The following RPP30 variants were observed in gnomAD, a reference collection of about 807,000 sequenced individuals.
RPP30 encodes ribonuclease P/MRP subunit p30, also known as ribonuclease P protein subunit p30.
A neutral mutation model predicts 38.6 loss-of-function variants in RPP30; 36 were observed. The ratio of observed to expected loss-of-function variants is 0.93; its 90% CI spans 0.71 to 1.23. The LOEUF is 1.23. Ranked by LOEUF, RPP30 falls within the 50% of genes most tolerant of loss-of-function variation. The pLI is 0.00. For synonymous variants in RPP30, 126 were observed against 112.7 expected, an observed-to-expected ratio of 1.12 and a Z score of -0.75; for missense variants, 321 against 321.7, an observed-to-expected ratio of 1.00 and a Z score of 0.02.
chr10:90,876,253 A>G (rs969952907), intron 4 of RPP30, among the ~76,000 whole-genome samples, 155 bp downstream of exon 4: 1 of 152,168 alleles, frequency 6.6e-6, no homozygotes, highest in African/African-American at 2.4e-5. Context: ...GAATTCACAC[A>G]GTGTAATATG....
chr10:90,882,767 C>G (rs1846947986), intron 5 of RPP30, among the ~76,000 whole-genome samples: 1 of 152,148 alleles, frequency 6.6e-6, no homozygotes, highest in South Asian at 2.1e-4. Context: ...AGTTCAAGAC[C>G]AGCCTGGGCA....
chr10:90,906,930 CTA>C (rs553074396), downstream of RPP30, among the ~76,000 whole-genome samples: 57 of 152,234 alleles, frequency 3.7e-4, no homozygotes, highest in South Asian at 8.7e-3. Flanking sequence ...AAAAAATTGA[CTA>C]TGTGATTAAA....
chr10:90,872,216 G>C, intron 1 of RPP30, 148 bp downstream of exon 1: 2 of 683,136 alleles, frequency 2.9e-6, no homozygotes, highest in South Asian at 3.5e-5. Context: ...CCGAGGTGTT[G>C]GTCTGATTCC....
At position 90,874,914 on chromosome 10, in the gene RPP30, A is replaced by G. The variant is rs1483635391; in HGVS notation, c.128A>G (p.Glu43Gly). The G allele has an allele frequency of 6.3e-7, 1 of 1,577,966 alleles. No homozygotes were observed. Among genetic ancestry groups the G allele is most frequent in the East Asian group, 2.3e-5 (1 of 44,340 alleles). The change falls in exon 2 of 11, where the codon GAA (glutamate) becomes GGA (glycine). Residue 43 changes from glutamate (E) to glycine (G), a missense_variant. Physicochemically the swap from Glu to Gly is moderately conservative, Grantham distance 98 (BLOSUM62 -2). Coordinates refer to ENST00000371703, the MANE Select transcript of RPP30 (RefSeq NM_006413.5). ...VAINHIVDFKEKKQEIEKPVA... is the reference protein window; with the variant it reads ...VAINHIVDFKGKKQEIEKPVA... The stretch of plus-strand genomic sequence containing the variant: ...ATCAATCATATCGTTGACTTTAAGG[A>G]AAAGAAACAGGTAAAATAATATTTC...
At chr10:90,892,679 A>T (rs1237632472) in intron 6 of RPP30, among the ~76,000 whole-genome samples, 1 of 152,184 alleles carries the variant, frequency 6.6e-6, no homozygotes, top group East Asian at 1.9e-4. Context: ...AACTAGAAGG[A>T]TAAGGAAAAG....
rs778316451 is a variant in RPP30 at position 90,896,384 on chromosome 10, TCCATGGAGG to T, written c.690_697+1del. ...TCCACCAACTGCCGAGCAGCGCTTC[TCCATGGAGG>T]TAAGCAAGTTCTTCCAGTACAAACT... On this transcript the variant is annotated splice_donor_variant and coding_sequence_variant, in exon 10 of 11. Coordinates refer to ENST00000371703, the MANE Select transcript of RPP30 (RefSeq NM_006413.5). LOFTEE classifies it high-confidence loss of function. 1 of 1,613,660 alleles carries T rather than the reference TCCATGGAGG, an allele frequency of 6.2e-7. No homozygotes were observed. Among genetic ancestry groups the T allele is most frequent in the Non-Finnish European group, 8.5e-7 (1 of 1,179,724 alleles).
At chr10:90,873,227 T>A (rs1429069423) in intron 1 of RPP30, among the ~76,000 whole-genome samples, 1 of 152,184 alleles carries the variant, frequency 6.6e-6, no homozygotes, top group African/African-American at 2.4e-5. Flanking sequence ...ATTAAAAAAA[T>A]TAATACAAAA....
chr10:90,896,524 C>CTGATGACTGTGTTTAG, intron 10 of RPP30, 132 bp downstream of exon 10: 1 of 632,592 alleles, frequency 1.6e-6, no homozygotes, highest in Non-Finnish European at 2.8e-6. Flanking sequence ...GTTCTAAACA[C>CTGATGACTGTGTTTAG]AGTCATCAGT....
intron 3 of RPP30, 64 bp from the exon 4 acceptor site, chr10:90,875,960 T>G: frequency 1.0e-6 from 1 of 954,158 alleles, no homozygotes; most frequent in Non-Finnish European, 1.7e-6. Context: ...TACTTTCCAC[T>G]GGTAAAAAGG....
In RPP30 at chr10:90,900,553, C is replaced by G; in HGVS notation, c.698-17C>G. ...GTCTTAACTTCAAGCACAGTGGTTT[C>G]CCTGTTTGTTTTACAGAAACTAGAA... On this transcript the variant is annotated splice_polypyrimidine_tract_variant and intron_variant, in intron 10 of 10. Coordinates refer to ENST00000371703, the MANE Select transcript of RPP30 (RefSeq NM_006413.5). 6.2e-7 allele frequency: 1 copy of G among 1,605,164 alleles called. No homozygotes were observed. The highest frequency in any genetic ancestry group is 8.5e-7 in the Non-Finnish European group (1 of 1,176,204).
downstream of RPP30, chr10:90,903,078 A>G: frequency 1.6e-5 from 11 of 691,498 alleles, no homozygotes; most frequent in South Asian, 1.8e-4. Context: ...AAGAGTCATT[A>G]CAAAGAACTG....
intron 4 of RPP30, among the ~76,000 whole-genome samples, chr10:90,877,850 A>G (rs1228687756): frequency 6.6e-6 from 1 of 152,224 alleles, no homozygotes; most frequent in Admixed American, 6.5e-5. Context: ...GGGTATGCCT[A>G]CTATCAGGGG....
At position 90,901,004 on chromosome 10, in the gene RPP30, A is replaced by G. The variant is rs1355132770; in HGVS notation, c.*325A>G. 1.2e-4 allele frequency: 116 copies of G among 964,024 alleles called. No homozygotes were observed. Among genetic ancestry groups the G allele is most frequent in the Non-Finnish European group, 1.4e-4 (111 of 796,458 alleles). 59.7% of individuals were successfully genotyped at this position (964,024 alleles called of 1,614,324 possible). On this transcript the variant is annotated 3_prime_UTR_variant, in exon 11 of 11. Coordinates refer to ENST00000371703, the MANE Select transcript of RPP30 (RefSeq NM_006413.5). The stretch of plus-strand genomic sequence containing the variant: ...TTTTGTTTCATTTTGTTTTTGAGAT[A>G]GGGTCTTTGTTGCTCAGGCTGGAGT...
intron 1 of RPP30, among the ~76,000 whole-genome samples, chr10:90,873,930 A>G (rs184528991): frequency 6.6e-6 from 1 of 152,312 alleles, no homozygotes; most frequent in African/African-American, 2.4e-5. Flanking sequence ...ATGTATTTAT[A>G]TACAATGACT....
rs758027812 is a variant in RPP30 at position 90,876,045 on chromosome 10, A to G, written c.217A>G (p.Ile73Val). ...IVQGKSRPIK[I>V]LTRLTIIVSD... ...ATAGGGAAAATCAAGACCAATTAAAATTTTAACTAGATTAACAATTATTGT... is the reference window on the plus strand; with the variant it reads ...ATAGGGAAAATCAAGACCAATTAAAGTTTTAACTAGATTAACAATTATTGT... The change falls in exon 4 of 11, where the codon ATT becomes GTT. Residue 73 changes from isoleucine to valine, a missense_variant. Physicochemically the swap from Ile to Val is conservative, Grantham distance 29. Coordinates refer to ENST00000371703, the MANE Select transcript of RPP30 (RefSeq NM_006413.5). 4.5e-6 allele frequency: 7 copies of G among 1,568,682 alleles called. No homozygotes were observed. The highest frequency in any genetic ancestry group is 1.7e-5 in the Admixed American group (1 of 59,818).
At chr10:90,906,846 T>C (rs1023732599), downstream of RPP30, among the ~76,000 whole-genome samples, 1 of 152,166 alleles carries the variant, frequency 6.6e-6, no homozygotes, top group Non-Finnish European at 1.5e-5. Flanking sequence ...TGCCCTTCAC[T>C]GAAGAGCAAA....
At chr10:90,877,529 A>G (rs1220627434) in intron 4 of RPP30, among the ~76,000 whole-genome samples, 2 of 152,116 alleles carry the variant, frequency 1.3e-5, no homozygotes, top group Non-Finnish European at 2.9e-5. Flanking sequence ...GGACTACCCT[A>G]GAAGTAGAAG....
chr10:90,887,642 C>T (rs1564713015), intron 6 of RPP30, among the ~76,000 whole-genome samples: 2 of 152,150 alleles, frequency 1.3e-5, no homozygotes, highest in South Asian at 2.1e-4. Context: ...GCCTCAGCCT[C>T]GCCAAATGCT....
intron 5 of RPP30, among the ~76,000 whole-genome samples, chr10:90,885,602 C>T (rs1033442841): frequency 2.6e-5 from 4 of 152,182 alleles, no homozygotes; most frequent in East Asian, 1.9e-4. Flanking sequence ...GGACATATTC[C>T]GCTTTTGCTG....
Sources: gnomAD v4.1 joint callset for allele counts (sites outside exome capture counted in the v4.1 genomes callset) on GRCh38, gnomAD v4.1.1 for gene constraint, MANE v1.5 for transcripts, NCBI Gene and HGNC (gene_info 2026-07-23, HGNC 2026-07-21) for gene names.